Variants in NBAS observed in about 807,000 individuals in gnomAD.
NBAS encodes NBAS subunit of NRZ tethering complex.
NBAS carries 219 observed loss-of-function variants against 302.5 expected under a neutral mutation model. That is an observed-to-expected ratio of 0.72 (90% confidence interval 0.65 to 0.81). The LOEUF is 0.81. Ranked by LOEUF, NBAS falls within the 30% of genes least tolerant of loss-of-function variation. The pLI is 0.00. For synonymous variants in NBAS, 1,118 were observed against 1,021.6 expected, an observed-to-expected ratio of 1.09 and a Z score of -1.80; for missense variants, 2,932 against 2,841.6, an observed-to-expected ratio of 1.03 and a Z score of -0.72.
intron 51 of NBAS, 41 bp downstream of exon 51, chr2:15,178,945 TTA>T: frequency 6.5e-7 from 1 of 1,544,732 alleles, no homozygotes. Context: ...CTTTGAAACA[TTA>T]AAAAAAAAAA....
At chr2:15,281,749 C>T (rs1008737816) in intron 42 of NBAS, among the ~76,000 whole-genome samples, 5 of 152,188 alleles carry the variant, frequency 3.3e-5, no homozygotes, top group African/African-American at 4.8e-5. Context: ...TTAAAGCTTG[C>T]GCACTTTCCA....
intron 51 of NBAS, among the ~76,000 whole-genome samples, chr2:15,171,439 G>GT (rs1313227075): frequency 1.3e-5 from 2 of 152,204 alleles, no homozygotes; most frequent in South Asian, 2.1e-4. Context: ...TTTTTAAATT[G>GT]TTTTTTACAT....
chr2:15,380,092 CATA>C lies in NBAS; in HGVS notation c.3361-264_3361-262del, dbSNP rs1362752109. Among the ~76,000 whole-genome samples the C allele has an allele frequency of 8.5e-5, 13 of 152,098 alleles. No homozygotes were observed. In the East Asian group the frequency reaches 1.4e-3, roughly 16 times the overall value. On this transcript the variant is annotated intron_variant, in intron 29 of 51. Transcript: ENST00000281513. ...TTTCATTGACTAAACCAAAATTAAG[CATA>C]ATATTTTAATTTATTACAATAAATA... is the stretch of plus-strand genomic sequence containing the variant.
the NBAS span, among the ~76,000 whole-genome samples, chr2:14,997,188 G>A: frequency 1.3e-4 from 20 of 152,126 alleles, no homozygotes; most frequent in Admixed American, 1.0e-3. Context: ...GAGCAGAAAA[G>A]GAGCAGAAAA....
chr2:15,318,043 A>G (rs1007626906), intron 38 of NBAS, among the ~76,000 whole-genome samples: 1 of 152,244 alleles, frequency 6.6e-6, no homozygotes, highest in Non-Finnish European at 1.5e-5. Flanking sequence ...GACTAACAGC[A>G]GATCTCTTGG....
At chr2:15,478,807 C>T (rs1680302924) in intron 12 of NBAS, among the ~76,000 whole-genome samples, 1 of 152,100 alleles carries the variant, frequency 6.6e-6, no homozygotes, top group Non-Finnish European at 1.5e-5. Flanking sequence ...TCCATTCATA[C>T]TGTAATCTTA....
the NBAS span, among the ~76,000 whole-genome samples, chr2:15,074,747 C>T: frequency 2.0e-5 from 3 of 152,186 alleles, no homozygotes; most frequent in South Asian, 6.2e-4. Flanking sequence ...GGATAATTTC[C>T]TTAATAGACA....
the NBAS span, among the ~76,000 whole-genome samples, chr2:14,964,587 A>G: frequency 6.6e-6 from 1 of 152,208 alleles, no homozygotes; most frequent in African/African-American, 2.4e-5. Context: ...ACAAACCCAC[A>G]GTTTTAGTTG....
At chr2:14,856,636 T>C in the NBAS span, among the ~76,000 whole-genome samples, 8 of 152,144 alleles carry the variant, frequency 5.3e-5, no homozygotes, top group African/African-American at 1.9e-4. Context: ...GCAGAAATTC[T>C]GGAGCTGAAA....
the NBAS span, among the ~76,000 whole-genome samples, chr2:14,789,681 A>G: frequency 6.6e-6 from 1 of 152,230 alleles, no homozygotes; most frequent in East Asian, 1.9e-4. Flanking sequence ...TGATCCTAAA[A>G]GTAATTTTGC....
intron 1 of NBAS, among the ~76,000 whole-genome samples, 172 bp from the exon 2 acceptor site, chr2:15,558,806 C>T (rs59356461): frequency 1.8e-4 from 28 of 152,222 alleles, no homozygotes; most frequent in Admixed American, 5.2e-4. Flanking sequence ...CAGTGGCTCA[C>T]GCCTGTAATC....
intron 35 of NBAS, among the ~76,000 whole-genome samples, chr2:15,343,829 G>A (rs551765776): frequency 1.3e-5 from 2 of 151,590 alleles, no homozygotes; most frequent in African/African-American, 2.4e-5. Context: ...AACAACAAAA[G>A]TATAATACAT....
chr2:15,448,048 G>A (rs1418046574), intron 21 of NBAS, among the ~76,000 whole-genome samples: 1 of 152,128 alleles, frequency 6.6e-6, no homozygotes, highest in African/African-American at 2.4e-5. Context: ...TTATAAGGGT[G>A]CTGATCCCAT....
chr2:15,262,108 G>C (rs1668877597), intron 44 of NBAS, among the ~76,000 whole-genome samples: 1 of 152,164 alleles, frequency 6.6e-6, no homozygotes. Context: ...ATTCAGGAGT[G>C]CTCTAACCAG....
At chr2:15,247,198 G>A (rs1032738370) in intron 44 of NBAS, among the ~76,000 whole-genome samples, 1 of 152,114 alleles carries the variant, frequency 6.6e-6, no homozygotes, top group Admixed American at 6.6e-5. Context: ...AGGGTTTCTG[G>A]ATCTCGCTCA....
the NBAS span, among the ~76,000 whole-genome samples, chr2:14,962,954 AC>A: frequency 7.9e-5 from 12 of 152,184 alleles, no homozygotes; most frequent in African/African-American, 2.9e-4. Context: ...AAAAAAAAAA[AC>A]AAAAAACTGT....
intron 7 of NBAS, among the ~76,000 whole-genome samples, chr2:15,536,846 AAAG>A (rs1306292739): frequency 5.3e-5 from 8 of 152,190 alleles, no homozygotes; most frequent in Admixed American, 5.2e-4. Flanking sequence ...GAAAAAAAAC[AAAG>A]ATAATGCCAC....
In NBAS at chr2:15,402,176, T is replaced by C. The variant is rs771222723; in HGVS notation, c.3063A>G (p.Arg1021=). ...CYDLLECLPE[R]GYGDKTEATT... ...ATACTGTGTATTCTTACCCATATCC[T>C]CTTTCTGGCAGACATTCTAGTAGGT... The change falls in exon 26 of 52, where the codon AGA becomes AGG. Residue 1021 remains arginine, a synonymous_variant. Transcript: ENST00000281513. 2 of 1,613,548 alleles carry C rather than the reference T, an allele frequency of 1.2e-6. No individual in the cohort carries two copies. The highest frequency in any genetic ancestry group is 1.7e-6 in the Non-Finnish European group (2 of 1,179,592).
chr2:15,042,015 T>G, the NBAS span, among the ~76,000 whole-genome samples: 1 of 152,218 alleles, frequency 6.6e-6, no homozygotes, highest in Non-Finnish European at 1.5e-5. Context: ...GCTTCACATG[T>G]TCCTCTATTT....
Sources: gnomAD v4.1 joint callset for allele counts (sites outside exome capture counted in the v4.1 genomes callset) on GRCh38, gnomAD v4.1.1 for gene constraint, MANE v1.5 for transcripts, NCBI Gene and HGNC (gene_info 2026-07-23, HGNC 2026-07-21) for gene names.